The following ARHGEF9 variants were observed in gnomAD, a reference collection of about 807,000 sequenced individuals.
ARHGEF9 encodes Cdc42 guanine nucleotide exchange factor 9.
In ARHGEF9, 2 loss-of-function variants were observed where a neutral mutation model predicts 41.3. The observed-to-expected ratio is 0.05, with a 90% CI of 0.02 to 0.15. The LOEUF is 0.15. Among genes scored for constraint, ARHGEF9 ranks in the 10% least tolerant of loss-of-function variants. The probability of loss-of-function intolerance (pLI) is 1.00; values close to 1 mark genes in which losing one functional copy is unlikely to be tolerated. For missense variants in ARHGEF9, 225 were observed against 424.7 expected (o/e 0.53, Z 4.13); for synonymous variants, 160 against 154.4 (o/e 1.04, Z -0.27).
At chrX:63,770,022 T>C (rs1369268689) in intron 1 of ARHGEF9, among the ~76,000 whole-genome samples, 6 of 111,004 alleles carry the variant, frequency 5.4e-5, no homozygotes, top group African/African-American at 2.0e-4. Flanking sequence ...AACCCCAAAA[T>C]GGTAAATCCA....
At chrX:63,674,548 G>A (rs1556359791) in intron 5 of ARHGEF9, among the ~76,000 whole-genome samples, 2 of 111,656 alleles carry the variant, frequency 1.8e-5, no homozygotes, top group Non-Finnish European at 3.8e-5. Flanking sequence ...GATTCAGGGT[G>A]GGAGACTTTA....
intron 1 of ARHGEF9, among the ~76,000 whole-genome samples, chrX:63,762,096 T>A (rs2056043630): frequency 9.0e-6 from 1 of 111,655 alleles, no homozygotes. Flanking sequence ...TGTTTAGTTG[T>A]AGAGCCTAAT....
intron 8 of ARHGEF9, 81 bp downstream of exon 8, chrX:63,655,413 G>A (rs2048815079): frequency 1.7e-6 from 2 of 1,185,204 alleles, no homozygotes; most frequent in East Asian, 6.0e-5. Flanking sequence ...TCTTCCCTCT[G>A]ACTCCAAGAA....
At chrX:63,680,895 A>AC (rs377393356) in intron 4 of ARHGEF9, among the ~76,000 whole-genome samples, 22 of 111,339 alleles carry the variant, frequency 2.0e-4, no homozygotes, top group Non-Finnish European at 3.6e-4. Flanking sequence ...AACAACAACA[A>AC]AAAACATGCC....
chrX:63,766,132 C>A (rs782228870), intron 1 of ARHGEF9, among the ~76,000 whole-genome samples: 1 of 112,177 alleles, frequency 8.9e-6, no homozygotes, highest in East Asian at 2.8e-4. Flanking sequence ...TATATGTTCC[C>A]TGAAGACAGA....
intron 9 of ARHGEF9, chrX:63,638,614 G>A (rs2047438573): frequency 6.5e-6 from 2 of 307,727 alleles, no homozygotes; most frequent in African/African-American, 2.7e-5. Context: ...TGCAGGGGTT[G>A]GTCCTGCAAA....
intron 1 of ARHGEF9, among the ~76,000 whole-genome samples, chrX:63,781,961 TC>T (rs1353269433): frequency 8.9e-6 from 1 of 112,165 alleles, no homozygotes; most frequent in Non-Finnish European, 1.9e-5. Flanking sequence ...TTCCTGCACT[TC>T]CTTCACATCT....
intron 2 of ARHGEF9, 34 bp downstream of exon 2, chrX:63,724,495 AAGG>A (rs2053840416): frequency 8.3e-7 from 1 of 1,198,196 alleles, no homozygotes; most frequent in Non-Finnish European, 1.1e-6. Flanking sequence ...ACAGGCAGCC[AAGG>A]AAATAGGAGA....
At chrX:63,672,375 G>A (rs1402835644) in intron 6 of ARHGEF9, among the ~76,000 whole-genome samples, 7 of 110,176 alleles carry the variant, frequency 6.4e-5, no homozygotes, top group African/African-American at 2.3e-4. Flanking sequence ...CCAAGCAGGA[G>A]CGTACAAGGG....
chrX:63,750,370 C>T (rs1244671352), intron 1 of ARHGEF9, among the ~76,000 whole-genome samples: 13 of 111,449 alleles, frequency 1.2e-4, no homozygotes, highest in South Asian at 3.8e-4. Context: ...ACACACACAC[C>T]GGTGGGTGAG....
intron 1 of ARHGEF9, among the ~76,000 whole-genome samples, chrX:63,759,070 C>A (rs1328115618): frequency 9.0e-6 from 1 of 111,255 alleles, no homozygotes; most frequent in Non-Finnish European, 1.9e-5. Context: ...CCTTATATTC[C>A]AGGTTCACAG....
chrX:63,642,801 C>T (rs1407539485), intron 9 of ARHGEF9: 3 of 111,334 alleles, frequency 2.7e-5, no homozygotes, highest in South Asian at 7.9e-4. Flanking sequence ...TAAGATTGCC[C>T]ACACCTGGGG....
intron 1 of ARHGEF9, among the ~76,000 whole-genome samples, chrX:63,754,000 T>C (rs1465580123): frequency 5.4e-5 from 6 of 111,717 alleles, no homozygotes; most frequent in Non-Finnish European, 7.5e-5. Flanking sequence ...CAAACCCTTT[T>C]CCCCTCAAAC....
At chrX:63,774,045 A>AT (rs376577744) in intron 1 of ARHGEF9, among the ~76,000 whole-genome samples, 1 of 99,012 alleles carries the variant, frequency 1.0e-5, no homozygotes, top group African/African-American at 3.8e-5. Flanking sequence ...ATCCATTATA[A>AT]TATCTATCTA....
chrX:63,724,437 G>T, intron 2 of ARHGEF9, 95 bp downstream of exon 2: 1 of 1,001,976 alleles, frequency 1.0e-6, no homozygotes. Flanking sequence ...AAAGCCACCA[G>T]GAGAGAAATA....
intron 2 of ARHGEF9, among the ~76,000 whole-genome samples, chrX:63,722,594 T>C (rs1221494295): frequency 4.5e-5 from 5 of 111,093 alleles, no homozygotes; most frequent in African/African-American, 1.6e-4. Context: ...TTTGCTTCCC[T>C]GAGCCATCCT....
chrX:63,776,226 C>G (rs375390605), intron 1 of ARHGEF9, among the ~76,000 whole-genome samples: 2 of 111,553 alleles, frequency 1.8e-5, no homozygotes, highest in East Asian at 5.6e-4. Context: ...TTCTCCCCCT[C>G]ACCAAGGCAC....
chrX:63,672,771 C>G (rs2050038742), intron 6 of ARHGEF9, among the ~76,000 whole-genome samples: 1 of 111,300 alleles, frequency 9.0e-6, no homozygotes, highest in Non-Finnish European at 1.9e-5. Context: ...CCAGCTAATC[C>G]ACCTTAATTT....
At chrX:63,705,412 T>C (rs1378818161) in intron 3 of ARHGEF9, among the ~76,000 whole-genome samples, 1 of 105,642 alleles carries the variant, frequency 9.5e-6, no homozygotes, top group Non-Finnish European at 1.9e-5. Flanking sequence ...TTTAATCCTT[T>C]TAAAACGCTG....
Sources: allele counts gnomAD v4.1 joint callset (sites outside exome capture counted in the v4.1 genomes callset), GRCh38; gene constraint gnomAD v4.1.1; transcripts MANE v1.5; gene names NCBI Gene and HGNC (gene_info 2026-07-23, HGNC 2026-07-21).